Variants in PHACTR3 observed in about 807,000 individuals in gnomAD.
PHACTR3 encodes the protein protein phosphatase 1, regulatory subunit 123.
A neutral mutation model predicts 66.8 loss-of-function variants in PHACTR3; 16 were observed. That is an observed-to-expected ratio of 0.24 (90% CI 0.16 to 0.36). PHACTR3 has a LOEUF of 0.36. Among genes scored for constraint, PHACTR3 ranks in the 10% least tolerant of loss-of-function variants. PHACTR3 has a pLI of 1.00. For synonymous variants in PHACTR3, 323 were observed against 292.1 expected (o/e 1.11, Z -1.08); for missense variants, 647 against 719.9 (o/e 0.90, Z 1.16).
intron 3 of PHACTR3, among the ~76,000 whole-genome samples, chr20:59,748,814 T>G (rs2039468128): frequency 6.6e-6 from 1 of 152,182 alleles, no homozygotes; most frequent in African/African-American, 2.4e-5. Flanking sequence ...CTCTCCCCAC[T>G]TCAGCCTTAA....
chr20:59,605,011 GC>G lies in PHACTR3; in HGVS notation c.-1del. 7.5e-7 allele frequency: 1 copy of G among 1,325,720 alleles called. No individual in the cohort carries two copies. Among genetic ancestry groups the G allele is most frequent in the Non-Finnish European group, 9.7e-7 (1 of 1,031,356 alleles). The allele number at this position is 1,325,720 out of a possible 1,614,324, so 82.1% of individuals were successfully genotyped here. The stretch of plus-strand genomic sequence containing the variant: ...TCTAACTTGCCCCCGCGCCGGCCGG[GC>G]CCATGGCCGCGTCGGAGGACGGGAG... On this transcript the variant is annotated 5_prime_UTR_variant, in exon 1 of 13. Coordinates refer to ENST00000371015, the MANE Select transcript of PHACTR3 (RefSeq NM_080672.5).
chr20:59,670,605 T>TG (rs34092952), intron 1 of PHACTR3, among the ~76,000 whole-genome samples: 3,160 of 46,996 alleles, frequency 0.067, 58 homozygotes, highest in Non-Finnish European at 0.11. Flanking sequence ...CTGCCGGGGG[T>TG]GGGGGGGGGG....
intron 1 of PHACTR3, among the ~76,000 whole-genome samples, chr20:59,632,667 G>C (rs2034709663): frequency 6.6e-6 from 1 of 152,178 alleles, no homozygotes; most frequent in Admixed American, 6.5e-5. Context: ...TCCCTTTCAG[G>C]CTTCAGCAGC....
chr20:59,595,285 A>AC (rs2033293680), intron 1 of PHACTR3, among the ~76,000 whole-genome samples: 1 of 151,636 alleles, frequency 6.6e-6, no homozygotes, highest in African/African-American at 2.4e-5. Context: ...ATATGGTGAA[A>AC]CCCCATCTCT....
intron 1 of PHACTR3, among the ~76,000 whole-genome samples, chr20:59,740,694 C>T (rs17732190): frequency 0.03 from 4,568 of 152,188 alleles, 104 homozygotes; most frequent in Non-Finnish European, 0.044. Flanking sequence ...ATGTGGAAAC[C>T]GAGGCTCCAA....
chr20:59,795,830 C>T (rs1237438079), intron 7 of PHACTR3, among the ~76,000 whole-genome samples: 1 of 152,082 alleles, frequency 6.6e-6, no homozygotes, highest in East Asian at 1.9e-4. Flanking sequence ...TTTTGTCCTT[C>T]CCTTCACTTT....
chr20:59,714,260 T>C (rs1028289857), intron 1 of PHACTR3, among the ~76,000 whole-genome samples: 3 of 152,232 alleles, frequency 2.0e-5, no homozygotes, highest in Non-Finnish European at 4.4e-5. Flanking sequence ...TTGTATCTTA[T>C]GTAAGGAGTA....
intron 1 of PHACTR3, among the ~76,000 whole-genome samples, chr20:59,582,758 G>A: frequency 6.6e-6 from 1 of 152,050 alleles, no homozygotes; most frequent in East Asian, 1.9e-4. Flanking sequence ...TTTTCCAGGG[G>A]GGTCGTTCGT....
rs544104543 is a variant in PHACTR3 at position 59,720,280 on chromosome 20, G to A, written c.119-22827G>A. 4.6e-5 allele frequency among the ~76,000 whole-genome samples: 7 copies of A among 152,286 alleles called. No homozygotes were observed. In the East Asian group the frequency reaches 5.8e-4, roughly 13 times the overall value. On this transcript the variant is annotated intron_variant, in intron 1 of 12. Coordinates refer to ENST00000371015, the MANE Select transcript of PHACTR3 (RefSeq NM_080672.5). ...GTGGTCTGCTGGGCTCTGCAGGCCC[G>A]TGTTGTGTCCATAATACATGATCAA...
chr20:59,810,578 A>T (rs2041705682), intron 8 of PHACTR3, among the ~76,000 whole-genome samples: 1 of 152,228 alleles, frequency 6.6e-6, no homozygotes, highest in Non-Finnish European at 1.5e-5. Context: ...TTGCCATGGC[A>T]ACGTGCCATC....
At chr20:59,763,924 C>T (rs912235800) in intron 4 of PHACTR3, among the ~76,000 whole-genome samples, 1 of 152,130 alleles carries the variant, frequency 6.6e-6, no homozygotes, top group Admixed American at 6.5e-5. Flanking sequence ...GGTGGAGATG[C>T]AGTGTTAAAG....
chr20:59,711,919 G>C (rs942000176), intron 1 of PHACTR3, among the ~76,000 whole-genome samples: 2 of 151,962 alleles, frequency 1.3e-5, no homozygotes, highest in African/African-American at 4.8e-5. Context: ...TTTTCAATGG[G>C]GTTAAGAGAA....
At chr20:59,654,009 A>G (rs1453220718) in intron 1 of PHACTR3, among the ~76,000 whole-genome samples, 2 of 152,204 alleles carry the variant, frequency 1.3e-5, no homozygotes, top group Non-Finnish European at 2.9e-5. Flanking sequence ...CAAATAAGCT[A>G]TCAAAGGTTA....
intron 8 of PHACTR3, among the ~76,000 whole-genome samples, chr20:59,815,328 C>T (rs887495632): frequency 6.6e-6 from 1 of 151,780 alleles, no homozygotes; most frequent in Non-Finnish European, 1.5e-5. Flanking sequence ...TACCCAGGAT[C>T]GTTCTTGATC....
intron 1 of PHACTR3, among the ~76,000 whole-genome samples, chr20:59,688,890 T>G (rs1345844082): frequency 6.6e-6 from 1 of 152,224 alleles, no homozygotes; most frequent in Admixed American, 6.5e-5. Flanking sequence ...GTAAGCTTTG[T>G]TCTCGTGGGC....
chr20:59,619,039 G>A (rs529345408), intron 1 of PHACTR3, among the ~76,000 whole-genome samples: 150 of 152,300 alleles, frequency 9.8e-4, no homozygotes, highest in African/African-American at 3.2e-3. Context: ...GATGCTGGCA[G>A]GGGTGGATGC....
At chr20:59,777,916 G>C (rs8123126) in intron 7 of PHACTR3, among the ~76,000 whole-genome samples, 57,817 of 151,784 alleles carry the variant, frequency 0.38, 13,624 homozygotes, top group East Asian at 0.67. Context: ...ATGCGTCCAC[G>C]TGGGGACTGG....
At chr20:59,786,854 A>G (rs921321854) in intron 7 of PHACTR3, among the ~76,000 whole-genome samples, 2 of 152,154 alleles carry the variant, frequency 1.3e-5, no homozygotes, top group Non-Finnish European at 2.9e-5. Flanking sequence ...CTCTCTGTGT[A>G]GTTAACAGGT....
chr20:59,708,648 C>T (rs2037806449), intron 1 of PHACTR3, among the ~76,000 whole-genome samples: 1 of 152,170 alleles, frequency 6.6e-6, no homozygotes, highest in Admixed American at 6.5e-5. Flanking sequence ...GAGACAGCCC[C>T]AAAGTCCCAC....
Sources: gnomAD v4.1 joint callset for allele counts (sites outside exome capture counted in the v4.1 genomes callset) on GRCh38, gnomAD v4.1.1 for gene constraint, MANE v1.5 for transcripts, NCBI Gene and HGNC (gene_info 2026-07-23, HGNC 2026-07-21) for gene names.